The following BTN3A1 variants were observed in gnomAD, a reference collection of about 807,000 sequenced individuals.
The protein encoded by BTN3A1 is dJ45P21.3 (butyrophilin, subfamily 3, member A1).
In BTN3A1, 24 loss-of-function variants were observed where a neutral mutation model predicts 43.0. The ratio of observed to expected loss-of-function variants is 0.56; its 90% confidence interval spans 0.40 to 0.78. The LOEUF is 0.78. Among genes scored for constraint, BTN3A1 ranks in the 30% least tolerant of loss-of-function variants. The pLI is 0.00. For synonymous variants in BTN3A1, 181 were observed against 234.7 expected (o/e 0.77, Z 2.09); for missense variants, 533 against 626.2 (o/e 0.85, Z 1.59).
Position 26,413,532 on chromosome 6 carries a change from G to A in BTN3A1, c.1382G>A (p.Gly461Glu), listed in dbSNP as rs1171963582. ...LKLPKPPKKV[G>E]VFLDYETGDI... ...CTTCCTAAGCCCCCTAAGAAAGTGG[G>A]GGTCTTCCTGGACTATGAGACTGGA... Residue 461 changes from glycine to glutamate, a missense_variant, in exon 10 of 10, where the codon GGG becomes GAG. Coordinates refer to ENST00000289361, the MANE Select transcript of BTN3A1 (RefSeq NM_007048.6). 1 of 1,613,974 alleles carries A rather than the reference G, an allele frequency of 6.2e-7. No homozygotes were observed. Among genetic ancestry groups the A allele is most frequent in the South Asian group, 1.1e-5 (1 of 91,074 alleles).
intron 9 of BTN3A1, 61 bp from the exon 10 acceptor site, chr6:26,413,108 G>A (rs1466224991): frequency 6.4e-7 from 1 of 1,559,290 alleles, no homozygotes; most frequent in African/African-American, 1.4e-5. Context: ...CTTGCATGCT[G>A]AGGCTCTGAA....
At chr6:26,411,738 G>A in intron 9 of BTN3A1, 157 bp downstream of exon 9, 2 of 908,944 alleles carry the variant, frequency 2.2e-6, no homozygotes, top group Non-Finnish European at 3.3e-6. Flanking sequence ...TGAAAAGTGG[G>A]CCCATCTCCA....
intron 3 of BTN3A1, 79 bp downstream of exon 3, chr6:26,406,335 T>C: frequency 1.5e-6 from 1 of 662,968 alleles, no homozygotes; most frequent in South Asian, 1.9e-5. Context: ...GCAAAAGCAC[T>C]GCAGACACTC....
In BTN3A1 at chr6:26,405,397, G is replaced by T; in HGVS notation, c.-167G>T. ...GTGATTTTCAATGTTGGGACTCAAA[G>T]GTGAAGACACTGAAGGACAGAATTT... On this transcript the variant is annotated 5_prime_UTR_variant, in exon 2 of 10. It adds an upstream start codon to the 5' untranslated region. Coordinates refer to ENST00000289361, the MANE Select transcript of BTN3A1 (RefSeq NM_007048.6). 1.6e-6 allele frequency: 1 copy of T among 631,932 alleles called. No individual in the cohort carries two copies. 39.1% of individuals were successfully genotyped at this position (631,932 alleles called of 1,614,324 possible).
intron 1 of BTN3A1, chr6:26,404,530 C>T (rs556853974): frequency 6.6e-6 from 1 of 152,108 alleles, no homozygotes; most frequent in African/African-American, 2.4e-5. Flanking sequence ...AGTGTGTCTC[C>T]GTTATCTAGG....
At position 26,405,598 on chromosome 6, in the gene BTN3A1, T is replaced by C. The variant is rs1264673109; in HGVS notation, c.35T>C (p.Leu12Pro). ...GCAAGTTTCCTGGCCTTCCTTCTGC[T>C]CAACTTTCGTGTCTGCCTCCTTTTG... ...KMASFLAFLL[L>P]NFRVCLLLLQ... Residue 12 changes from leucine (L) to proline (P), a missense_variant, in exon 2 of 10, where the codon CTC becomes CCC. Physicochemically the swap from Leu to Pro is moderately conservative, Grantham distance 98. Around this residue, in one of 4 missense-constraint regions of BTN3A1, gnomAD observed 56 missense variants for 67.1 expected, o/e 0.83. Coordinates refer to ENST00000289361, the MANE Select transcript of BTN3A1 (RefSeq NM_007048.6). 6.2e-7 allele frequency: 1 copy of C among 1,614,038 alleles called. No homozygotes were observed. The highest frequency in any genetic ancestry group is 1.3e-5 in the African/African-American group (1 of 74,914).
At chr6:26,412,685 T>G in intron 9 of BTN3A1, 1 of 1,551,478 alleles carries the variant, frequency 6.4e-7, no homozygotes, top group Non-Finnish European at 8.7e-7. Flanking sequence ...GAGATTCATT[T>G]GTTTATCCCC....
At chr6:26,413,134 T>A (rs372251320) in intron 9 of BTN3A1, 35 bp from the exon 10 acceptor site, 1 of 1,574,370 alleles carries the variant, frequency 6.4e-7, no homozygotes, top group Admixed American at 1.8e-5. Flanking sequence ...GGAAAAATGG[T>A]TGACCTCATG....
chr6:26,410,024 A>G lies in BTN3A1; in HGVS notation c.956A>G (p.Tyr319Cys), dbSNP rs1169355260. 1.2e-6 allele frequency: 2 copies of G among 1,613,972 alleles called. No homozygotes were observed. Among genetic ancestry groups the G allele is most frequent in the African/African-American group, 1.3e-5 (1 of 74,892 alleles). ...GTTGCAGGATGGAGAAGTATCCAGTATGCATCTCGTAAGTGCCTCTGACAT... is the reference window on the plus strand; with the variant it reads ...GTTGCAGGATGGAGAAGTATCCAGTGTGCATCTCGTAAGTGCCTCTGACAT... ...LEELRWRSIQ[Y>C]ASRGERHSAY... Residue 319 changes from tyrosine to cysteine, a missense_variant, in exon 7 of 10, where the codon TAT (tyrosine) becomes TGT (cysteine). Physicochemically the swap from Tyr to Cys is radical, Grantham distance 194 (BLOSUM62 -2). Transcript: ENST00000289361.
At chr6:26,405,697 A>T in intron 2 of BTN3A1, 49 bp downstream of exon 2, 1 of 1,606,316 alleles carries the variant, frequency 6.2e-7, no homozygotes, top group Non-Finnish European at 8.5e-7. Flanking sequence ...TTACCTAATT[A>T]TGTCCTCATA....
rs1159310106 is a variant in BTN3A1, at chr6:26,407,856, T to C, written c.619T>C (p.Ser207Pro). 2 of 1,614,224 alleles carry C rather than the reference T, an allele frequency of 1.2e-6. No individual in the cohort carries two copies. Among genetic ancestry groups the C allele is most frequent in the Non-Finnish European group, 1.7e-6 (2 of 1,180,042 alleles). Residue 207 changes from serine (S) to proline (P), a missense_variant, in exon 4 of 10, where the codon TCT (serine) becomes CCT (proline). Around this residue, in one of 4 missense-constraint regions of BTN3A1, gnomAD observed 415 missense variants for 427.0 expected, o/e 0.97. Transcript: ENST00000289361. ...AGTGGGCCTGTATGCAGTAGCAGCA[T>C]CTGTGATCATGAGAGGCAGCTCTGG... Reference protein sequence around the residue: ...DGVGLYAVAASVIMRGSSGEG... With the variant: ...DGVGLYAVAAPVIMRGSSGEG...
intron 8 of BTN3A1, 39 bp downstream of exon 8, chr6:26,411,174 G>C: frequency 6.2e-7 from 1 of 1,600,734 alleles, no homozygotes; most frequent in Non-Finnish European, 8.5e-7. Flanking sequence ...GCTGGGACAC[G>C]TGCCATGAAC....
intron 1 of BTN3A1, among the ~76,000 whole-genome samples, chr6:26,403,758 C>T (rs985657892): frequency 6.6e-6 from 1 of 152,024 alleles, no homozygotes; most frequent in African/African-American, 2.4e-5. Flanking sequence ...TCCTGGGCTC[C>T]AGGGATCCTC....
chr6:26,411,727 C>A, intron 9 of BTN3A1, 146 bp downstream of exon 9: 1 of 1,042,978 alleles, frequency 9.6e-7, no homozygotes, highest in Non-Finnish European at 1.4e-6. Context: ...AAATTCCAAT[C>A]TGAAAAGTGG....
rs148176615 is a variant in BTN3A1, at chr6:26,413,287, T to C, written c.1137T>C (p.Asn379=). 7.4e-6 allele frequency: 12 copies of C among 1,614,074 alleles called. No individual in the cohort carries two copies. Among genetic ancestry groups the C allele is most frequent in the African/African-American group, 6.7e-5 (5 of 74,924 alleles). ...TGCCAGACAACCCTGAGAGATTTAATTGGCATTATTGTGTTCTCGGCTGTG... is the reference window on the plus strand; with the variant it reads ...TGCCAGACAACCCTGAGAGATTTAACTGGCATTATTGTGTTCTCGGCTGTG... ...QDLPDNPERF[N]WHYCVLGCES... is the part of the protein sequence containing the mutation. Residue 379 remains asparagine, a synonymous_variant, in exon 10 of 10, where the codon AAT becomes AAC. Coordinates refer to ENST00000289361, the MANE Select transcript of BTN3A1 (RefSeq NM_007048.6).
intron 8 of BTN3A1, 110 bp downstream of exon 8, chr6:26,411,245 C>A: frequency 7.2e-7 from 1 of 1,388,882 alleles, no homozygotes; most frequent in Admixed American, 2.2e-5. Flanking sequence ...TCAGATTTAA[C>A]CCAAAGACTC....
intron 3 of BTN3A1, among the ~76,000 whole-genome samples, chr6:26,406,686 G>A (rs1762031100): frequency 6.6e-6 from 1 of 152,174 alleles, no homozygotes; most frequent in Admixed American, 6.5e-5. Context: ...AATGACCCTA[G>A]AATACACCTG....
intron 1 of BTN3A1, chr6:26,404,589 C>T (rs533544253): frequency 4.6e-5 from 7 of 152,272 alleles, no homozygotes; most frequent in Non-Finnish European, 7.3e-5. Context: ...GAATTCCCTC[C>T]GAGGGATGAG....
rs760835311 is a variant in BTN3A1, at chr6:26,409,557, G to T, written c.740G>T (p.Arg247Met). Residue 247 changes from arginine (R) to methionine (M), a missense_variant, in exon 5 of 10, where the codon AGG (arginine) becomes ATG (methionine). Around this residue, in one of 4 missense-constraint regions of BTN3A1, gnomAD observed 415 missense variants for 427.0 expected, o/e 0.97. Coordinates refer to ENST00000289361, the MANE Select transcript of BTN3A1 (RefSeq NM_007048.6). ...IADPFFRSAQ[R>M]WIAALAGTLP... ...GACCCCTTCTTCAGGAGCGCCCAGA[G>T]GTGGATCGCCGCCCTGGCAGGGACC... The T allele has an allele frequency of 6.2e-7, 1 of 1,613,878 alleles. No individual in the cohort carries two copies. Among genetic ancestry groups the T allele is most frequent in the African/African-American group, 1.3e-5 (1 of 74,898 alleles).
Sources: gnomAD v4.1 joint callset for allele counts (sites outside exome capture counted in the v4.1 genomes callset) on GRCh38, gnomAD v4.1.1 for gene constraint, gnomAD v4.1.1 regional missense constraint, MANE v1.5 for transcripts, NCBI Gene and HGNC (gene_info 2026-07-23, HGNC 2026-07-21) for gene names.